Variants in HUWE1 observed in about 807,000 individuals in gnomAD.
HUWE1 encodes the protein HECT, UBA and WWE domain containing E3 ubiquitin protein ligase 1, also known as E3 ubiquitin-protein ligase HUWE1.
A neutral mutation model predicts 299.4 loss-of-function variants in HUWE1; 18 were observed. The ratio of observed to expected loss-of-function variants is 0.06; its 90% CI spans 0.04 to 0.09. The LOEUF is 0.09. HUWE1 is among the 10% of genes least tolerant of loss of function. The pLI is 1.00. For synonymous variants in HUWE1, 1,317 were observed against 1,286.1 expected (o/e 1.02, Z -0.51); for missense variants, 1,832 against 3,462.3 (o/e 0.53, Z 11.82).
chrX:53,586,348 C>G, intron 39 of HUWE1, 142 bp downstream of exon 39: 1 of 472,103 alleles, frequency 2.1e-6, no homozygotes, highest in Non-Finnish European at 3.8e-6. Flanking sequence ...AGAAGAGAAA[C>G]CTAGCTATGA....
At position 53,645,353 on chromosome X, in the gene HUWE1, G is replaced by C; in HGVS notation, c.462C>G (p.Asp154Glu). The change falls in exon 7 of 84, where the codon GAC (aspartate) becomes GAG (glutamate). Residue 154 changes from aspartate to glutamate, a missense_variant. This residue lies in a region of HUWE1 where 658 missense variants were observed against 1,282.6 expected (regional missense o/e 0.51). Transcript: ENST00000262854. ...GCCGAGTTAGCAGCGGGGTCCTCTTGTCAGATCCCAGACGAGTGATGTAGT... is the reference window on the plus strand; with the variant it reads ...GCCGAGTTAGCAGCGGGGTCCTCTTCTCAGATCCCAGACGAGTGATGTAGT... The part of the protein sequence containing the change: ...RSNYITRLGS[D>E]KRTPLLTRLQ... 8.3e-7 allele frequency: 1 copy of C among 1,210,972 alleles called. No homozygotes were observed. The highest frequency in any genetic ancestry group is 1.1e-6 in the Non-Finnish European group (1 of 895,198).
chrX:53,648,344 T>C (rs782758577), intron 4 of HUWE1, 34 bp from the exon 5 acceptor site: 64 of 887,229 alleles, frequency 7.2e-5, no homozygotes, highest in South Asian at 2.2e-4. Context: ...AAAGATGTTT[T>C]GGAATGAGGG....
chrX:53,616,790 T>C (rs1374286150), intron 21 of HUWE1, among the ~76,000 whole-genome samples, 180 bp downstream of exon 21: 2 of 111,794 alleles, frequency 1.8e-5, no homozygotes, highest in Non-Finnish European at 3.8e-5. Flanking sequence ...TTGAGAAGCA[T>C]GGAAATATTA....
intron 3 of HUWE1, among the ~76,000 whole-genome samples, chrX:53,671,652 G>T (rs1351706387): frequency 6.3e-5 from 7 of 110,401 alleles, no homozygotes; most frequent in African/African-American, 2.3e-4. Flanking sequence ...AATTAGCCGG[G>T]CGAGGTGGCA....
rs140023658 is a variant in HUWE1, at chrX:53,612,333, A to T, written c.2261+2201T>A. Among the ~76,000 whole-genome samples, 1,018 of 112,148 alleles carry T rather than the reference A, an allele frequency of 9.1e-3. 55 individuals carry two copies. The highest frequency in any genetic ancestry group is 0.087 in the Admixed American group (917 of 10,599). On this transcript the variant is annotated intron_variant, in intron 23 of 83. Coordinates refer to ENST00000262854, the MANE Select transcript of HUWE1 (RefSeq NM_031407.7). ...TGTAGAAAACTACTGATACTGGGGTACAGTAACTACTAGAGTCCTCTGCAT... is the reference window on the plus strand; with the variant it reads ...TGTAGAAAACTACTGATACTGGGGTTCAGTAACTACTAGAGTCCTCTGCAT...
intron 3 of HUWE1, among the ~76,000 whole-genome samples, chrX:53,679,754 A>C (rs1201865776): frequency 1.8e-5 from 2 of 112,641 alleles, no homozygotes; most frequent in African/African-American, 6.4e-5. Flanking sequence ...GCATGTTTGA[A>C]ATTTTTCGTA....
chrX:53,583,951 TAACTTG>T (rs1251876066), intron 41 of HUWE1, 35 bp from the exon 42 acceptor site: 1 of 1,076,237 alleles, frequency 9.3e-7, no homozygotes, highest in Non-Finnish European at 1.3e-6. Flanking sequence ...TTAGACAGTT[TAACTTG>T]ATGTTTATTT....
At chrX:53,577,713 G>C (rs1253973275) in intron 43 of HUWE1, among the ~76,000 whole-genome samples, 1 of 114,164 alleles carries the variant, frequency 8.8e-6, no homozygotes, top group Non-Finnish European at 1.9e-5. Flanking sequence ...TGGTGGAGAC[G>C]GGGTTTTGCT....
At chrX:53,664,980 C>A (rs2069177328) in intron 3 of HUWE1, among the ~76,000 whole-genome samples, 1 of 112,197 alleles carries the variant, frequency 8.9e-6, no homozygotes, top group Non-Finnish European at 1.9e-5. Context: ...ATAGCTAACA[C>A]TTACTCTATA....
At chrX:53,671,767 C>T (rs868994004) in intron 3 of HUWE1, among the ~76,000 whole-genome samples, 1 of 86,020 alleles carries the variant, frequency 1.2e-5, no homozygotes, top group Middle Eastern at 9.7e-3. Context: ...GCACTCCGAC[C>T]TGGGCGACAG....
intron 77 of HUWE1, 151 bp downstream of exon 77, chrX:53,538,186 C>G (rs1381266443): frequency 2.0e-6 from 1 of 500,607 alleles, no homozygotes; most frequent in Non-Finnish European, 3.6e-6. Flanking sequence ...TGATGGCCAT[C>G]AATGCTACAG....
chrX:53,537,965 CGAG>C (rs1602499444), intron 77 of HUWE1, among the ~76,000 whole-genome samples: 1 of 111,417 alleles, frequency 9.0e-6, no homozygotes, highest in African/African-American at 3.3e-5. Flanking sequence ...TATACATGCA[CGAG>C]GAGAAGGAGA....
In HUWE1 at chrX:53,551,355, T is replaced by A. The variant is rs782027456; in HGVS notation, c.9007A>T (p.Ser3003Cys). Residue 3003 changes from serine (S) to cysteine (C), a missense_variant, in exon 64 of 84, where the codon AGC (serine) becomes TGC (cysteine). Around this residue, in one of 15 missense-constraint regions of HUWE1, gnomAD observed 91 missense variants for 281.2 expected, o/e 0.32. Coordinates refer to ENST00000262854, the MANE Select transcript of HUWE1 (RefSeq NM_031407.7). ...TTCCCCACCACTGCAGGCGCTGAGC[T>A]ATTTGTGGAGGGGGCAGTCCGGGTT... is the stretch of plus-strand genomic sequence containing the variant. ...PPTRTAPSTN[S>C]SAPAVVGNPG... The A allele has an allele frequency of 8.3e-7, 1 of 1,209,593 alleles. No individual in the cohort carries two copies. The highest frequency in any genetic ancestry group is 1.8e-5 in the South Asian group (1 of 56,542).
Position 53,575,718 on chromosome X carries a change from A to G in HUWE1, c.5955T>C (p.Asp1985=), listed in dbSNP as rs782431051. The G allele has an allele frequency of 8.3e-7, 1 of 1,210,942 alleles. No individual in the cohort carries two copies. Among genetic ancestry groups the G allele is most frequent in the African/African-American group, 1.7e-5 (1 of 57,877 alleles). The change falls in exon 45 of 84, where the codon GAT becomes GAC. Residue 1985 remains aspartate, a synonymous_variant. Transcript: ENST00000262854. ...EVGQLLQDMG[D]DVYQQYRSLT... Reference sequence around the variant, plus strand: ...GTGACCGGTACTGCTGGTATACATCATCACCCATGTCTTGCAGGAGCTGGC... The same window carrying G: ...GTGACCGGTACTGCTGGTATACATCGTCACCCATGTCTTGCAGGAGCTGGC...
chrX:53,634,975 A>G (rs1557025518), intron 7 of HUWE1, among the ~76,000 whole-genome samples: 2 of 111,725 alleles, frequency 1.8e-5, no homozygotes, highest in African/African-American at 6.5e-5. Flanking sequence ...CTTTAACATT[A>G]AGAGCATTAA....
intron 3 of HUWE1, among the ~76,000 whole-genome samples, chrX:53,677,595 T>TAAAAA (rs144242491): frequency 1.5e-5 from 1 of 66,790 alleles, no homozygotes; most frequent in Admixed American, 1.7e-4. Context: ...ATTGGAAGTT[T>TAAAAA]AAAAAAAAAA....
chrX:53,591,132 G>A lies in HUWE1; in HGVS notation c.3973-10C>T. 6 of 1,207,868 alleles carry A rather than the reference G, an allele frequency of 5.0e-6. No individual in the cohort carries two copies. Among genetic ancestry groups the A allele is most frequent in the Non-Finnish European group, 6.7e-6 (6 of 893,212 alleles). Reference sequence around the variant, plus strand: ...AGCCCATGTCCATGAGCTACATAAAGAATGCAAGGGCTCAGAATCACATAA... The same window carrying A: ...AGCCCATGTCCATGAGCTACATAAAAAATGCAAGGGCTCAGAATCACATAA... On this transcript the variant is annotated splice_polypyrimidine_tract_variant and intron_variant, in intron 33 of 83. Coordinates refer to ENST00000262854, the MANE Select transcript of HUWE1 (RefSeq NM_031407.7).
chrX:53,535,622 CA>C lies in HUWE1; in HGVS notation c.12532-122del. 5.6e-6 allele frequency: 3 copies of C among 540,088 alleles called. No individual in the cohort carries two copies. In the South Asian group the frequency reaches 7.2e-5, roughly 13 times the overall value. The allele number at this position is 540,088 out of a possible 1,213,427, so 44.5% of individuals were successfully genotyped here. A position where few individuals can be genotyped will look rare whatever the true frequency, so the allele number is the denominator to read the frequency against. On this transcript the variant is annotated intron_variant, in intron 80 of 83. Transcript: ENST00000262854. The stretch of plus-strand genomic sequence containing the variant: ...GGCAGAGAGATGAGGCAAGTCCATA[CA>C]AAACAGTGACTTTTTCTACTACTCA...
chrX:53,537,291 A>T, intron 78 of HUWE1: 1 of 388,591 alleles, frequency 2.6e-6, no homozygotes, highest in Non-Finnish European at 4.5e-6. Flanking sequence ...CTCATTGCAA[A>T]GCCAGCAGGT....
Sources: allele counts gnomAD v4.1 joint callset (sites outside exome capture counted in the v4.1 genomes callset), GRCh38; gene constraint gnomAD v4.1.1; regional missense constraint gnomAD v4.1.1; transcripts MANE v1.5; gene names NCBI Gene and HGNC (gene_info 2026-07-23, HGNC 2026-07-21).